The following PLIN4 variants were observed in gnomAD, a reference collection of about 807,000 sequenced individuals.
PLIN4 encodes perilipin 4, also known as perilipin-4.
A neutral mutation model predicts 52.4 loss-of-function variants in PLIN4; 57 were observed. That is an observed-to-expected ratio of 1.09 (90% confidence interval 0.88 to 1.36). PLIN4 has a LOEUF of 1.36. Among genes scored for constraint, PLIN4 ranks in the 40% most tolerant of loss-of-function variants. PLIN4 has a pLI of 0.00. For synonymous variants in PLIN4, 826 were observed against 785.4 expected (o/e 1.05, Z -0.86); for missense variants, 1,757 against 1,770.3 (o/e 0.99, Z 0.13).
chr19:4,517,843 C>CA, intron 2 of PLIN4, 145 bp from the exon 3 acceptor site: 1 of 1,063,078 alleles, frequency 9.4e-7, no homozygotes, highest in Non-Finnish European at 1.3e-6. Flanking sequence ...CACTCAGCCT[C>CA]AATTTCCACA....
chr19:4,506,703 C>T (rs1489909664), intron 6 of PLIN4, among the ~76,000 whole-genome samples: 2 of 152,246 alleles, frequency 1.3e-5, no homozygotes, highest in Admixed American at 1.3e-4. Flanking sequence ...CTGAAGAGTG[C>T]CTGGGCTGAG....
Position 4,513,289 on chromosome 19 carries a change from A to G in PLIN4, c.671T>C (p.Val224Ala). 2 of 1,613,622 alleles carry G rather than the reference A, an allele frequency of 1.2e-6. No individual in the cohort carries two copies. The highest frequency in any genetic ancestry group is 1.7e-6 in the Non-Finnish European group (2 of 1,179,850). Residue 224 changes from valine (V) to alanine (A), a missense_variant, in exon 5 of 8, where the codon GTG becomes GCG. By Grantham distance (64) the Val-to-Ala change is moderately conservative. This residue lies in a region of PLIN4 where 332 missense variants were observed against 310.8 expected (regional missense o/e 1.07). Transcript: ENST00000301286. ...GGTCAGCACAGCCTTGGAGGTTTCC[A>G]CGCCAGTCTGGACAGTCCCTTTGGC... is the stretch of plus-strand genomic sequence containing the variant. ...NLAKGTVQTG[V>A]ETSKAVLTGT...
intron 6 of PLIN4, among the ~76,000 whole-genome samples, chr19:4,508,547 G>A (rs535811635): frequency 7.9e-5 from 12 of 152,316 alleles, no homozygotes; most frequent in Admixed American, 1.3e-4. Flanking sequence ...GGTTACAGGC[G>A]TGAGCCACCG....
rs1429562008 is a variant in PLIN4, at chr19:4,512,199, T to C, written c.1761A>G (p.Val587=). The C allele has an allele frequency of 4.3e-6, 7 of 1,610,660 alleles. No individual in the cohort carries two copies. The highest frequency in any genetic ancestry group is 1.1e-5 in the South Asian group (1 of 90,954). The change falls in exon 5 of 8, where the codon GTA becomes GTG. Residue 587 remains valine, a synonymous_variant. Coordinates refer to ENST00000301286, the MANE Select transcript of PLIN4 (RefSeq NM_001367868.2). ...NVAKGAVQTG[V]DTAKTVLTGT... is the part of the protein sequence containing the mutation. ...CGGTCAGCACGGTCTTGGCTGTGTC[T>C]ACACCTGTCTGGACAGCCCCCTTGG...
At chr19:4,517,420 C>T in intron 3 of PLIN4, 134 bp downstream of exon 3, 2 of 1,192,660 alleles carry the variant, frequency 1.7e-6, no homozygotes, top group Admixed American at 2.9e-5. Flanking sequence ...CACAAGATGT[C>T]CTAGTGTCTG....
intron 5 of PLIN4, among the ~76,000 whole-genome samples, chr19:4,509,600 G>C (rs904622888): frequency 6.6e-6 from 1 of 151,984 alleles, no homozygotes. Flanking sequence ...CTCCAGCCTG[G>C]GCGACAAGAG....
At position 4,513,476 on chromosome 19, in the gene PLIN4, T is replaced by C; in HGVS notation, c.484A>G (p.Lys162Glu). ...TCCTTGGTGCCGGTGAGGACAGCCTTCGAGGTGTCCAGACCCCCTTGGACG... is the reference window on the plus strand; with the variant it reads ...TCCTTGGTGCCGGTGAGGACAGCCTCCGAGGTGTCCAGACCCCCTTGGACG... Reference protein sequence around the residue: ...GAVQGGLDTSKAVLTGTKDTV... With the variant: ...GAVQGGLDTSEAVLTGTKDTV... Residue 162 changes from lysine (K) to glutamate (E), a missense_variant, in exon 5 of 8, where the codon AAG (lysine) becomes GAG (glutamate). Lys to Glu is a moderately conservative substitution (Grantham distance 56). This residue lies in a region of PLIN4 where 332 missense variants were observed against 310.8 expected (regional missense o/e 1.07). Transcript: ENST00000301286. 1 of 1,613,318 alleles carries C rather than the reference T, an allele frequency of 6.2e-7. No homozygotes were observed. Among genetic ancestry groups the C allele is most frequent in the Non-Finnish European group, 8.5e-7 (1 of 1,179,868 alleles).
intron 6 of PLIN4, among the ~76,000 whole-genome samples, chr19:4,506,826 T>G (rs1412907342): frequency 6.6e-6 from 1 of 152,252 alleles, no homozygotes; most frequent in Non-Finnish European, 1.5e-5. Flanking sequence ...TCCATGGCGT[T>G]TACAGGAACG....
intron 4 of PLIN4, among the ~76,000 whole-genome samples, chr19:4,516,398 C>G (rs1976582309): frequency 6.6e-6 from 1 of 152,064 alleles, no homozygotes; most frequent in Non-Finnish European, 1.5e-5. Context: ...AGCACTGCAC[C>G]CATTTCACAG....
chr19:4,509,077 AGGCG>A, intron 5 of PLIN4, 122 bp from the exon 6 acceptor site: 2 of 883,620 alleles, frequency 2.3e-6, no homozygotes, highest in South Asian at 3.6e-5. Context: ...TGGGAGGCCG[AGGCG>A]GGCAGATCAC....
At position 4,504,499 on chromosome 19, in the gene PLIN4, C is replaced by T. The variant is rs1190166782; in HGVS notation, c.4076G>A (p.Trp1359Ter). The stretch of plus-strand genomic sequence containing the variant: ...GGGCAAGGCGAAGGGCCCTACCAGC[C>T]AGCTGAGCGGGGGATTGTGCTGTAG... Reference protein sequence around the residue: ...EGLQHNPPLSWLVGPFALPAG... With the variant: ...EGLQHNPPLS The change falls in exon 8 of 8, where the codon TGG becomes TAG. Residue 1359 changes from tryptophan to a stop codon, truncating the protein, a stop_gained. Transcript: ENST00000301286. LOFTEE classifies it high-confidence loss of function. 5 of 1,599,014 alleles carry T rather than the reference C, an allele frequency of 3.1e-6. No homozygotes were observed. Among genetic ancestry groups the T allele is most frequent in the Non-Finnish European group, 4.3e-6 (5 of 1,171,794 alleles).
In PLIN4 at chr19:4,510,520, G is replaced by T; in HGVS notation, c.3440C>A (p.Pro1147Gln). The change falls in exon 5 of 8, where the codon CCA becomes CAA. Residue 1147 changes from proline to glutamine, a missense_variant. Around this residue, in one of 7 missense-constraint regions of PLIN4, gnomAD observed 712 missense variants for 637.1 expected, o/e 1.12. Coordinates refer to ENST00000301286, the MANE Select transcript of PLIN4 (RefSeq NM_001367868.2). ...LATTHGPEEA[P>Q]RLAMLQNELE... ...CTCATTCTGCAGCATTGCCAAGCGT[G>T]GGGCTTCTTCGGGGCCGTGTGTGGT... The T allele has an allele frequency of 6.7e-7, 1 of 1,482,984 alleles. No individual in the cohort carries two copies. Among genetic ancestry groups the T allele is most frequent in the Non-Finnish European group, 9.0e-7 (1 of 1,116,254 alleles). The allele number at this position is 1,482,984 out of a possible 1,614,324, so 91.9% of individuals were successfully genotyped here. A position where few individuals can be genotyped will look rare whatever the true frequency, so the allele number is the denominator to read the frequency against.
chr19:4,512,853 A>G lies in PLIN4; in HGVS notation c.1107T>C (p.Thr369=), dbSNP rs61730749. ...TKTVLTGTKN[T]VCSGVTGAVN... is the part of the protein sequence containing the mutation. ...CGGCACCGGTCACCCCACTGCAGAC[A>G]GTGTTCTTGGTGCCAGTTAGGACAG... Residue 369 remains threonine (T), a synonymous_variant, in exon 5 of 8, where the codon ACT becomes ACC. Transcript: ENST00000301286. 1,861 of 1,545,594 alleles carry G rather than the reference A, an allele frequency of 1.2e-3. 639 individuals are homozygous for G. The African/African-American group carries it at 0.04, about 33-fold the overall frequency.
Position 4,513,477 on chromosome 19 carries a change from C to T in PLIN4, c.483G>A (p.Ser161=), listed in dbSNP as rs368874507. 2.5e-5 allele frequency: 41 copies of T among 1,612,866 alleles called. 2 individuals are homozygous for T. The highest frequency in any genetic ancestry group is 1.3e-4 in the Admixed American group (8 of 59,968). ...KGAVQGGLDT[S]KAVLTGTKDT... ...CCTTGGTGCCGGTGAGGACAGCCTT[C>T]GAGGTGTCCAGACCCCCTTGGACGG... is the stretch of plus-strand genomic sequence containing the variant. The change falls in exon 5 of 8, where the codon TCG becomes TCA. Residue 161 remains serine, a synonymous_variant. Coordinates refer to ENST00000301286, the MANE Select transcript of PLIN4 (RefSeq NM_001367868.2).
Position 4,512,578 on chromosome 19 carries a change from A to G in PLIN4, c.1382T>C (p.Val461Ala), listed in dbSNP as rs751507045. ...GACAGTGTCCTTGGTACCAGTTAGA[A>G]CGATCTTGGTGGTGTCCACGCCTGT... The part of the protein sequence containing the change: ...IQTGVDTTKI[V>A]LTGTKDTVCS... Residue 461 changes from valine to alanine, a missense_variant, in exon 5 of 8, where the codon GTT becomes GCT. Transcript: ENST00000301286. The G allele has an allele frequency of 6.2e-7, 1 of 1,610,174 alleles. No individual in the cohort carries two copies. The highest frequency in any genetic ancestry group is 1.1e-5 in the South Asian group (1 of 90,250).
intron 4 of PLIN4, among the ~76,000 whole-genome samples, chr19:4,514,159 CATT>C (rs1228671637): frequency 6.6e-6 from 1 of 152,178 alleles, no homozygotes; most frequent in African/African-American, 2.4e-5. Flanking sequence ...TTATTAAAAT[CATT>C]ATATCCAGGC....
At chr19:4,508,984 C>G (rs774389255) in intron 5 of PLIN4, 29 bp from the exon 6 acceptor site, 1 of 1,590,806 alleles carries the variant, frequency 6.3e-7, no homozygotes, top group Admixed American at 1.7e-5. Context: ...CGCTCAGTCC[C>G]GGAAGCCCCT....
Position 4,508,689 on chromosome 19 carries a change from A to G in PLIN4, c.3702+79T>C, listed in dbSNP as rs923148654. 6 of 1,414,960 alleles carry G rather than the reference A, an allele frequency of 4.2e-6. No homozygotes were observed. The African/African-American group carries it at 7.1e-5, about 17-fold the overall frequency. The allele number at this position is 1,414,960 out of a possible 1,614,324, so 87.7% of individuals were successfully genotyped here. The stretch of plus-strand genomic sequence containing the variant: ...ATCATCTCCTAGGTGCTCAGTCAGT[A>G]TCTGCAGCTGGGTGAGTCCTGGGCA... On this transcript the variant is annotated intron_variant, in intron 6 of 7. Transcript: ENST00000301286.
chr19:4,517,982 C>T (rs1168380688), intron 2 of PLIN4, among the ~76,000 whole-genome samples: 5 of 152,154 alleles, frequency 3.3e-5, no homozygotes, highest in African/African-American at 9.7e-5. Context: ...CAGAGAGGGG[C>T]GGAGCTGAGG....
Sources: gnomAD v4.1 joint callset for allele counts (sites outside exome capture counted in the v4.1 genomes callset) on GRCh38, gnomAD v4.1.1 for gene constraint, gnomAD v4.1.1 regional missense constraint, MANE v1.5 for transcripts, NCBI Gene and HGNC (gene_info 2026-07-23, HGNC 2026-07-21) for gene names.